DDR2: variants seen among roughly 807,000 people sequenced by gnomAD.
DDR2 encodes discoidin domain receptor tyrosine kinase 2, also known as discoidin domain-containing receptor 2.
DDR2 carries 27 observed loss-of-function variants against 94.9 expected under a neutral mutation model. That is an observed-to-expected ratio of 0.28 (90% CI 0.21 to 0.39). The LOEUF (loss-of-function observed/expected upper bound fraction) is 0.39, where lower values mean the gene tolerates loss of function less well. Among genes scored for constraint, DDR2 ranks in the 10% least tolerant of loss-of-function variants. DDR2 has a pLI of 1.00. For synonymous variants in DDR2, 382 were observed against 377.2 expected (o/e 1.01, Z -0.15); for missense variants, 783 against 1,076.0 (o/e 0.73, Z 3.81).
intron 3 of DDR2, among the ~76,000 whole-genome samples, chr1:162,747,935 C>A (rs1189569275): frequency 6.6e-6 from 1 of 152,126 alleles, no homozygotes; most frequent in Non-Finnish European, 1.5e-5. Context: ...AAATCCTTTA[C>A]AGACAAGCAA....
At chr1:162,722,187 C>T (rs1398388712) in intron 3 of DDR2, among the ~76,000 whole-genome samples, 2 of 152,172 alleles carry the variant, frequency 1.3e-5, no homozygotes, top group Non-Finnish European at 2.9e-5. Context: ...TTGGCTGAAG[C>T]ACGAAGGCAG....
chr1:162,784,134 C>T lies in DDR2; in HGVS notation c.*3888C>T, dbSNP rs1227222687. 6.6e-6 allele frequency: 1 copy of T among 152,162 alleles called. No individual in the cohort carries two copies. The highest frequency in any genetic ancestry group is 1.5e-5 in the Non-Finnish European group (1 of 68,030). 9.4% of individuals were successfully genotyped at this position (152,162 alleles called of 1,614,324 possible). On this transcript the variant is annotated 3_prime_UTR_variant, in exon 18 of 18. Coordinates refer to ENST00000367921, the MANE Select transcript of DDR2 (RefSeq NM_006182.4). ...CACCATGTTGGAAACATGTGTTTTC[C>T]TAGTCCCATCCAGGCTTCCCACAAG...
rs138025874 is a variant in DDR2 at position 162,685,481 on chromosome 1, C to T, written c.-28+30107C>T. 5.4e-3 allele frequency among the ~76,000 whole-genome samples: 815 copies of T among 152,258 alleles called. 10 individuals are homozygous for T. Among genetic ancestry groups the T allele is most frequent in the African/African-American group, 0.019 (770 of 41,540 alleles). On this transcript the variant is annotated intron_variant, in intron 2 of 17. Coordinates refer to ENST00000367921, the MANE Select transcript of DDR2 (RefSeq NM_006182.4). ...CTAGCTTTTTAGACTGGGAGGCACACTGGAGATCCAGGTTGGGGGCCTGGG... is the reference window on the plus strand; with the variant it reads ...CTAGCTTTTTAGACTGGGAGGCACATTGGAGATCCAGGTTGGGGGCCTGGG...
intron 3 of DDR2, among the ~76,000 whole-genome samples, chr1:162,736,646 G>A (rs1197590670): frequency 6.6e-6 from 1 of 152,162 alleles, no homozygotes; most frequent in Non-Finnish European, 1.5e-5. Context: ...ACTCTAAGAT[G>A]CATCATTACT....
chr1:162,731,345 A>G (rs1335150159), intron 3 of DDR2, among the ~76,000 whole-genome samples: 1 of 152,198 alleles, frequency 6.6e-6, no homozygotes, highest in Non-Finnish European at 1.5e-5. Context: ...CCTTAGCTCT[A>G]GCTTATCTAA....
intron 1 of DDR2, among the ~76,000 whole-genome samples, chr1:162,650,136 G>T (rs1179297307): frequency 6.6e-6 from 1 of 152,152 alleles, no homozygotes; most frequent in Non-Finnish European, 1.5e-5. Flanking sequence ...CATTTATGTA[G>T]TTGAAGTTCA....
intron 1 of DDR2, among the ~76,000 whole-genome samples, chr1:162,654,507 A>G (rs1312891979): frequency 6.6e-6 from 1 of 152,122 alleles, no homozygotes; most frequent in Non-Finnish European, 1.5e-5. Context: ...ATAAATCCAT[A>G]GTTTTTATAT....
chr1:162,666,242 T>G (rs1441987152), intron 2 of DDR2, among the ~76,000 whole-genome samples: 1 of 152,214 alleles, frequency 6.6e-6, no homozygotes, highest in African/African-American at 2.4e-5. Context: ...CTCGCATTCT[T>G]TTTCCTTCTG....
chr1:162,650,126 C>A (rs1007921139), intron 1 of DDR2, among the ~76,000 whole-genome samples: 1 of 152,148 alleles, frequency 6.6e-6, no homozygotes, highest in Non-Finnish European at 1.5e-5. Flanking sequence ...TTAATTATTG[C>A]ATTTATGTAG....
Position 162,779,971 on chromosome 1 carries a change from T to C in DDR2, c.2434-141T>C, listed in dbSNP as rs1510315. 0.99 allele frequency: 1,217,963 copies of C among 1,230,276 alleles called. 603,681 individuals carry two copies. The highest frequency in any genetic ancestry group is 1 in the East Asian group (42,996 of 42,996). The allele number at this position is 1,230,276 out of a possible 1,614,324, so 76.2% of individuals were successfully genotyped here. On this transcript the variant is annotated intron_variant, in intron 17 of 17. Transcript: ENST00000367921. ...TTTCACGAGTAGGAAAAATGGACAC[T>C]ACACCCATTTCAGTTATCAAGTTCA...
At chr1:162,778,513 GA>G in intron 16 of DDR2, 66 bp from the exon 17 acceptor site, 1 of 1,600,672 alleles carries the variant, frequency 6.2e-7, no homozygotes, top group Non-Finnish European at 8.6e-7. Context: ...TGCAGATTAT[GA>G]AATTTAACAG....
chr1:162,687,431 A>C (rs1659737850), intron 2 of DDR2, among the ~76,000 whole-genome samples: 1 of 152,190 alleles, frequency 6.6e-6, no homozygotes, highest in Non-Finnish European at 1.5e-5. Flanking sequence ...CTTGCTTATC[A>C]TTTCCAGAAG....
rs558051109 is a variant in DDR2 at position 162,670,064 on chromosome 1, C to T, written c.-28+14690C>T. On this transcript the variant is annotated intron_variant, in intron 2 of 17. Transcript: ENST00000367921. Reference sequence around the variant, plus strand: ...AAGGTTAAAAAGGTTTAAGTTCTCCCTGTAATTTTGTTTATATAGATGATT... The same window carrying T: ...AAGGTTAAAAAGGTTTAAGTTCTCCTTGTAATTTTGTTTATATAGATGATT... 7.9e-5 allele frequency among the ~76,000 whole-genome samples: 12 copies of T among 152,274 alleles called. No homozygotes were observed. The South Asian group carries it at 2.5e-3, about 32-fold the overall frequency.
intron 2 of DDR2, among the ~76,000 whole-genome samples, chr1:162,708,060 G>T (rs745330082): frequency 6.6e-5 from 10 of 152,162 alleles, no homozygotes; most frequent in African/African-American, 2.4e-4. Flanking sequence ...GTCTCTGATG[G>T]TTTCAGAGAA....
chr1:162,773,456 G>T lies in DDR2; in HGVS notation c.1729-13G>T. Reference sequence around the variant, plus strand: ...AGAAATGATGATGCTGAGACTAGATGACTTTTGTCTAGGTTCATCTCTGTG... The same window carrying T: ...AGAAATGATGATGCTGAGACTAGATTACTTTTGTCTAGGTTCATCTCTGTG... On this transcript the variant is annotated splice_polypyrimidine_tract_variant and intron_variant, in intron 13 of 17. Transcript: ENST00000367921. The T allele has an allele frequency of 3.1e-6, 5 of 1,613,108 alleles. No homozygotes were observed. In the South Asian group the frequency reaches 5.5e-5, roughly 18 times the overall value.
Position 162,691,414 on chromosome 1 carries a change from T to C in DDR2, c.-27-27623T>C, listed in dbSNP as rs181431483. Among the ~76,000 whole-genome samples the C allele has an allele frequency of 1.6e-3, 250 of 152,328 alleles. 4 individuals carry two copies. Among genetic ancestry groups the C allele is most frequent in the South Asian group, 8.7e-3 (42 of 4,828 alleles). On this transcript the variant is annotated intron_variant, in intron 2 of 17. Transcript: ENST00000367921. Reference sequence around the variant, plus strand: ...TGCATGACAAAGGAATGCAACCTACTGTCTGGTTGTACTGAAGGAGCAGAG... The same window carrying C: ...TGCATGACAAAGGAATGCAACCTACCGTCTGGTTGTACTGAAGGAGCAGAG...
chr1:162,728,066 C>CTA, intron 3 of DDR2, among the ~76,000 whole-genome samples: 1 of 130,652 alleles, frequency 7.7e-6, no homozygotes, highest in African/African-American at 2.9e-5. Context: ...TATAATCACA[C>CTA]TATATATATC....
In DDR2 at chr1:162,741,255, AATG is replaced by A. The variant is rs1558057566; in HGVS notation, c.83-11839_83-11837del. 1.5e-3 allele frequency among the ~76,000 whole-genome samples: 180 copies of A among 123,268 alleles called. 1 individual carries two copies. Among genetic ancestry groups the A allele is most frequent in the East Asian group, 4.4e-3 (18 of 4,050 alleles). The allele number at this position is 123,268 out of a possible 152,430, so 80.9% of individuals were successfully genotyped here. The stretch of plus-strand genomic sequence containing the variant: ...AATATAATATAATATAGTATAATGT[AATG>A]TAATGTAATATAATATAATATAATA... On this transcript the variant is annotated intron_variant, in intron 3 of 17. Transcript: ENST00000367921.
intron 7 of DDR2, among the ~76,000 whole-genome samples, chr1:162,758,727 A>AT (rs980078310): frequency 4.6e-5 from 7 of 152,122 alleles, no homozygotes; most frequent in African/African-American, 9.7e-5. Context: ...CACCCTTAGT[A>AT]TTTTTTTATT....
Sources: gnomAD v4.1 joint callset for allele counts (sites outside exome capture counted in the v4.1 genomes callset) on GRCh38, gnomAD v4.1.1 for gene constraint, MANE v1.5 for transcripts, NCBI Gene and HGNC (gene_info 2026-07-23, HGNC 2026-07-21) for gene names.